Variants in RBFOX1 observed in about 807,000 individuals in gnomAD.
The protein encoded by RBFOX1 is RNA binding fox-1 homolog 1.
Under a neutral mutation model 57.7 loss-of-function variants are expected in RBFOX1, and 8 were observed. The ratio of observed to expected loss-of-function variants is 0.14; its 90% confidence interval spans 0.08 to 0.25. The LOEUF is 0.25. Ranked by LOEUF, RBFOX1 falls within the 10% of genes least tolerant of loss-of-function variation. The pLI is 1.00. For missense variants in RBFOX1, 611 were observed against 548.5 expected (o/e 1.11, Z -1.14); for synonymous variants, 326 against 222.4 (o/e 1.47, Z -4.15).
At chr16:6,984,251 C>T (rs2007543) in intron 3 of RBFOX1, among the ~76,000 whole-genome samples, 1 of 152,044 alleles carries the variant, frequency 6.6e-6, no homozygotes, top group Non-Finnish European at 1.5e-5. Context: ...CCATCTTAAA[C>T]ATAAAATAAA....
chr16:7,704,758 A>T (rs1009762411), intron 14 of RBFOX1, among the ~76,000 whole-genome samples: 1 of 152,214 alleles, frequency 6.6e-6, no homozygotes, highest in African/African-American at 2.4e-5. Context: ...CCTTAAAAAT[A>T]AGAGCAGTCA....
At chr16:6,925,109 GTTTTTTTTTTTTTTTTTTTTTTTTTTTTT>G (rs57556084) in intron 3 of RBFOX1, among the ~76,000 whole-genome samples, 3 of 45,218 alleles carry the variant, frequency 6.6e-5, no homozygotes, top group Non-Finnish European at 8.1e-5. Flanking sequence ...TAGGTTGTTG[GTTTTTTTTTTTTTTTTTTTTTTTTTTTTT>G]TTTTTTTTTT....
chr16:7,557,619 C>CAAAAAAAAAA (rs1170051114), intron 5 of RBFOX1, among the ~76,000 whole-genome samples: 1 of 40,762 alleles, frequency 2.5e-5, no homozygotes, highest in African/African-American at 9.1e-5. Context: ...GACTCTGTCT[C>CAAAAAAAAAA]AAAAAAAAAA....
intron 2 of RBFOX1, among the ~76,000 whole-genome samples, chr16:5,578,567 C>T (rs1208553576): frequency 1.3e-5 from 2 of 152,082 alleles, no homozygotes; most frequent in Admixed American, 1.3e-4. Flanking sequence ...CAGGTACTTC[C>T]TGCAAACATT....
intron 2 of RBFOX1, among the ~76,000 whole-genome samples, chr16:6,526,857 A>AAAAC (rs1567560941): frequency 6.1e-5 from 8 of 130,418 alleles, no homozygotes; most frequent in African/African-American, 2.2e-4. Flanking sequence ...AAAAAAAAAA[A>AAAAC]AACAACCAGA....
At chr16:7,436,333 G>A (rs545686968) in intron 4 of RBFOX1, among the ~76,000 whole-genome samples, 13 of 152,250 alleles carry the variant, frequency 8.5e-5, no homozygotes, top group Non-Finnish European at 1.2e-4. Context: ...AAATTACTGT[G>A]GTAGGCAAAC....
intron 4 of RBFOX1, among the ~76,000 whole-genome samples, chr16:7,452,601 T>G (rs1187192820): frequency 1.3e-5 from 2 of 152,170 alleles, no homozygotes; most frequent in Non-Finnish European, 2.9e-5. Flanking sequence ...TATTCATGCA[T>G]GAAATGTATC....
intron 14 of RBFOX1, among the ~76,000 whole-genome samples, chr16:7,678,655 G>A (rs372060106): frequency 6.6e-6 from 1 of 151,942 alleles, no homozygotes; most frequent in Non-Finnish European, 1.5e-5. Flanking sequence ...TGATTTAAAT[G>A]GACTCCTTCA....
At chr16:6,226,835 C>A (rs113613937) in intron 1 of RBFOX1, among the ~76,000 whole-genome samples, 3 of 151,016 alleles carry the variant, frequency 2.0e-5, no homozygotes, top group African/African-American at 7.3e-5. Flanking sequence ...TGTGGCTGGA[C>A]ATAGTGCCAC....
chr16:6,417,541 C>G (rs375145605), intron 2 of RBFOX1, among the ~76,000 whole-genome samples: 2 of 151,038 alleles, frequency 1.3e-5, no homozygotes, highest in African/African-American at 2.4e-5. Flanking sequence ...AGGCGCCCAC[C>G]ACCATGCCTG....
intron 4 of RBFOX1, among the ~76,000 whole-genome samples, chr16:7,496,257 C>G (rs766000583): frequency 2.0e-5 from 3 of 152,180 alleles, no homozygotes; most frequent in Non-Finnish European, 4.4e-5. Flanking sequence ...ATTCTCTTGC[C>G]TCAGCCTCCC....
At chr16:5,550,244 A>G (rs1413333484) in intron 2 of RBFOX1, among the ~76,000 whole-genome samples, 1 of 152,206 alleles carries the variant, frequency 6.6e-6, no homozygotes, top group Non-Finnish European at 1.5e-5. Context: ...ACTGAACTGT[A>G]GGATCTCAAG....
intron 1 of RBFOX1, among the ~76,000 whole-genome samples, chr16:6,256,169 A>ATATG (rs1354420049): frequency 1.6e-4 from 2 of 12,246 alleles, no homozygotes; most frequent in African/African-American, 3.2e-4. Flanking sequence ...GTATATATAT[A>ATATG]TGTATATATA....
chr16:5,569,924 T>G (rs1258799544), intron 2 of RBFOX1, among the ~76,000 whole-genome samples: 1 of 152,218 alleles, frequency 6.6e-6, no homozygotes, highest in Non-Finnish European at 1.5e-5. Context: ...GTCAGTCATA[T>G]TGCAGATATC....
intron 4 of RBFOX1, among the ~76,000 whole-genome samples, chr16:7,516,097 G>T (rs1253634166): frequency 6.6e-6 from 1 of 152,080 alleles, no homozygotes; most frequent in East Asian, 1.9e-4. Flanking sequence ...CACCCACCTT[G>T]GCCTCCCAAA....
chr16:6,687,281 C>A (rs532769885), intron 3 of RBFOX1, among the ~76,000 whole-genome samples: 9 of 151,956 alleles, frequency 5.9e-5, no homozygotes, highest in Non-Finnish European at 1.3e-4. Context: ...TTTGGATACT[C>A]AGAAGGGGGA....
Position 5,271,724 on chromosome 16 carries a change from C to T in RBFOX1, c.219+31619C>T, listed in dbSNP as rs370082706. ...TATTCTTCCTATTGGAAACTTTGTA[C>T]CCTTTGACCAGTGTCTCCTATCCCC... On this transcript the variant is annotated intron_variant, in intron 1 of 2. Transcript: ENST00000585867. Among the ~76,000 whole-genome samples, 23 of 152,290 alleles carry T rather than the reference C, an allele frequency of 1.5e-4. No homozygotes were observed. In the East Asian group the frequency reaches 2.1e-3, roughly 14 times the overall value.
At chr16:6,150,152 C>A (rs1259835354) in intron 1 of RBFOX1, among the ~76,000 whole-genome samples, 1 of 152,130 alleles carries the variant, frequency 6.6e-6, no homozygotes, top group East Asian at 1.9e-4. Context: ...GAGCTCACAG[C>A]TGAGGCTGCT....
chr16:6,533,313 A>T (rs1203208796), intron 2 of RBFOX1, among the ~76,000 whole-genome samples: 1 of 152,238 alleles, frequency 6.6e-6, no homozygotes, highest in Non-Finnish European at 1.5e-5. Context: ...ATGCAGTATC[A>T]TCAGGAAAAT....
Sources: gnomAD v4.1 joint callset for allele counts (sites outside exome capture counted in the v4.1 genomes callset) on GRCh38, gnomAD v4.1.1 for gene constraint, MANE v1.5 for transcripts, NCBI Gene and HGNC (gene_info 2026-07-23, HGNC 2026-07-21) for gene names.